SP140L: variants seen among roughly 807,000 people sequenced by gnomAD.
The protein encoded by SP140L is nuclear body protein SP140-like protein.
Under a neutral mutation model 84.3 loss-of-function variants are expected in SP140L, and 64 were observed. That is an observed-to-expected ratio of 0.76 (90% CI 0.62 to 0.94). SP140L has a LOEUF of 0.94. SP140L is among the 40% of genes least tolerant of loss of function. The pLI is 0.00. For missense variants in SP140L, 628 were observed against 692.5 expected (o/e 0.91, Z 1.05); for synonymous variants, 242 against 236.9 (o/e 1.02, Z -0.20).
At chr2:230,382,298 C>CA (rs1434587486) in intron 7 of SP140L, among the ~76,000 whole-genome samples, 1 of 152,046 alleles carries the variant, frequency 6.6e-6, no homozygotes, top group African/African-American at 2.4e-5. Flanking sequence ...TCAGCATTCT[C>CA]AGAGGTGGGA....
chr2:230,357,183 T>C (rs1485148448), intron 2 of SP140L, among the ~76,000 whole-genome samples: 4 of 152,202 alleles, frequency 2.6e-5, no homozygotes, highest in Non-Finnish European at 5.9e-5. Context: ...AGCAATAGTA[T>C]GGACAGATTT....
rs764575807 is a variant in SP140L at position 230,371,621 on chromosome 2, T to A, written c.607T>A (p.Ser203Thr). Residue 203 changes from serine to threonine, a missense_variant, in exon 7 of 19, where the codon TCT becomes ACT. This residue lies in a region of SP140L where 525 missense variants were observed against 518.4 expected (regional missense o/e 1.01). Transcript: ENST00000415673. The stretch of plus-strand genomic sequence containing the variant: ...AGATACTGTGGATATTGCAAACAAC[T>A]CTACTTTGGGAAAACCCAAGAGGAA... ...KMDTVDIANNSTLGKPKRKRR... is the reference protein window; with the variant it reads ...KMDTVDIANNTTLGKPKRKRR... 2.5e-5 allele frequency: 40 copies of A among 1,607,162 alleles called. No homozygotes were observed. The highest frequency in any genetic ancestry group is 2.0e-4 in the Admixed American group (12 of 59,560).
intron 2 of SP140L, among the ~76,000 whole-genome samples, chr2:230,352,031 T>C (rs1299939285): frequency 6.6e-6 from 1 of 152,230 alleles, no homozygotes; most frequent in Non-Finnish European, 1.5e-5. Context: ...TTAAAATTAC[T>C]ACTTTTTTTC....
chr2:230,392,048 A>T (rs925769262), intron 11 of SP140L, 39 bp from the exon 12 acceptor site: 6 of 1,612,346 alleles, frequency 3.7e-6, no homozygotes, highest in Non-Finnish European at 5.1e-6. Flanking sequence ...AGCGCTGGGA[A>T]CAAAGAGGGC....
At chr2:230,336,861 T>G (rs1433236152) in intron 2 of SP140L, among the ~76,000 whole-genome samples, 3 of 152,200 alleles carry the variant, frequency 2.0e-5, no homozygotes, top group African/African-American at 7.2e-5. Context: ...GCAAAAAACT[T>G]CTGTGCTGTT....
intron 2 of SP140L, among the ~76,000 whole-genome samples, chr2:230,341,907 G>A (rs925184317): frequency 4.6e-5 from 7 of 152,086 alleles, no homozygotes; most frequent in Admixed American, 4.6e-4. Flanking sequence ...CTGTCAGACA[G>A]GGACATTTAA....
intron 2 of SP140L, among the ~76,000 whole-genome samples, chr2:230,335,814 C>G (rs779235681): frequency 6.6e-6 from 1 of 152,104 alleles, no homozygotes; most frequent in Non-Finnish European, 1.5e-5. Context: ...TGTTTCTTCC[C>G]TATAAAATGA....
intron 7 of SP140L, among the ~76,000 whole-genome samples, chr2:230,377,644 G>A (rs1487003100): frequency 6.6e-6 from 1 of 152,104 alleles, no homozygotes; most frequent in African/African-American, 2.4e-5. Flanking sequence ...TTATTTTGGG[G>A]AGTGAATGCC....
At chr2:230,399,688 A>G (rs73093368) in intron 14 of SP140L, 2,394 of 154,782 alleles carry the variant, frequency 0.015, 64 homozygotes, top group African/African-American at 0.054. Flanking sequence ...ATGGCCAAGA[A>G]TATGGGATGT....
At chr2:230,385,402 C>A in intron 9 of SP140L, 98 bp downstream of exon 9, 4 of 1,132,952 alleles carry the variant, frequency 3.5e-6, no homozygotes, top group Non-Finnish European at 5.1e-6. Context: ...ACTAGTCAAA[C>A]TTAGTCAATT....
At chr2:230,361,556 G>C in intron 4 of SP140L, 58 bp from the exon 5 acceptor site, 2 of 1,348,722 alleles carry the variant, frequency 1.5e-6, no homozygotes. Flanking sequence ...CAATTTCCAG[G>C]TGTTGTCCCT....
At chr2:230,347,679 G>A (rs1180721425) in intron 2 of SP140L, among the ~76,000 whole-genome samples, 2 of 152,150 alleles carry the variant, frequency 1.3e-5, no homozygotes, top group Non-Finnish European at 2.9e-5. Context: ...TACCTGCGTG[G>A]TCAAGGACGT....
chr2:230,372,897 A>G (rs979894828), intron 7 of SP140L, among the ~76,000 whole-genome samples: 10 of 152,196 alleles, frequency 6.6e-5, no homozygotes, highest in Non-Finnish European at 1.5e-4. Context: ...AAGTTCTTGA[A>G]GGAAATTAAA....
Position 230,360,684 on chromosome 2 carries a change from A to G in SP140L, c.440-930A>G, listed in dbSNP as rs146652986. ...CCTAGCCCCAGTGCCCACAACTCAC[A>G]TGTTAGTTTCTGGCACTCCTTATGC... On this transcript the variant is annotated intron_variant, in intron 4 of 18. Transcript: ENST00000415673. 3.6e-3 allele frequency among the ~76,000 whole-genome samples: 548 copies of G among 152,172 alleles called. 5 individuals carry two copies. The highest frequency in any genetic ancestry group is 0.012 in the African/African-American group (489 of 41,522).
intron 11 of SP140L, among the ~76,000 whole-genome samples, chr2:230,391,222 G>T (rs939795367): frequency 2.6e-5 from 4 of 152,124 alleles, no homozygotes; most frequent in Non-Finnish European, 4.4e-5. Flanking sequence ...TCAGCTCTTT[G>T]GAGTGTATAT....
At chr2:230,362,146 C>G (rs1275740830) in intron 5 of SP140L, among the ~76,000 whole-genome samples, 1 of 152,108 alleles carries the variant, frequency 6.6e-6, no homozygotes, top group African/African-American at 2.4e-5. Context: ...ATGTGGAGAA[C>G]CTCCCCACAC....
chr2:230,388,474 A>T (rs2061676081), intron 9 of SP140L, 85 bp from the exon 10 acceptor site: 8 of 1,150,272 alleles, frequency 7.0e-6, no homozygotes, highest in Non-Finnish European at 9.6e-6. Flanking sequence ...GGAAAGTTAC[A>T]TTTAAATGGA....
At chr2:230,352,324 A>G (rs563130044) in intron 2 of SP140L, among the ~76,000 whole-genome samples, 5 of 152,278 alleles carry the variant, frequency 3.3e-5, no homozygotes, top group African/African-American at 1.2e-4. Context: ...AGTTTAATTG[A>G]CTCACAGTTC....
intron 6 of SP140L, 62 bp downstream of exon 6, chr2:230,371,029 A>T (rs2061050315): frequency 6.8e-7 from 1 of 1,467,772 alleles, no homozygotes; most frequent in African/African-American, 1.4e-5. Context: ...CCCTGGGAAG[A>T]GTGGAGGCAG....
Sources: gnomAD v4.1 joint callset for allele counts (sites outside exome capture counted in the v4.1 genomes callset) on GRCh38, gnomAD v4.1.1 for gene constraint, gnomAD v4.1.1 regional missense constraint, MANE v1.5 for transcripts, NCBI Gene and HGNC (gene_info 2026-07-23, HGNC 2026-07-21) for gene names.